Variants in SPATA17 observed in about 807,000 individuals in gnomAD.
SPATA17 encodes the protein spermatogenesis-associated protein 17.
A neutral mutation model predicts 62.2 loss-of-function variants in SPATA17; 53 were observed. The observed-to-expected ratio is 0.85, with a 90% confidence interval of 0.68 to 1.07. The LOEUF (loss-of-function observed/expected upper bound fraction) is 1.07. SPATA17 is among the 50% of genes least tolerant of loss of function. The probability of loss-of-function intolerance (pLI) is 0.00; values close to 1 mark genes in which losing one functional copy is unlikely to be tolerated. For synonymous variants in SPATA17, 146 were observed against 146.8 expected (o/e 0.99, Z 0.04); for missense variants, 466 against 425.5 (o/e 1.10, Z -0.84).
intron 10 of SPATA17, 133 bp downstream of exon 10, chr1:217,862,989 A>G (rs1675928059): frequency 2.1e-6 from 1 of 482,676 alleles, no homozygotes; most frequent in Admixed American, 3.5e-5. Context: ...AGACTCCATA[A>G]ATTTCCTTCA....
intron 9 of SPATA17, among the ~76,000 whole-genome samples, chr1:217,822,996 T>C (rs1674904298): frequency 6.6e-6 from 1 of 151,994 alleles, no homozygotes; most frequent in Non-Finnish European, 1.5e-5. Flanking sequence ...TTTTAACCTG[T>C]TCCCTTCTTT....
intron 5 of SPATA17, among the ~76,000 whole-genome samples, chr1:217,685,182 C>T (rs1344739211): frequency 6.6e-6 from 1 of 152,126 alleles, no homozygotes; most frequent in African/African-American, 2.4e-5. Context: ...GGTGCTCACT[C>T]TCAGGGTCAC....
At chr1:217,678,338 A>G (rs1326969287) in intron 4 of SPATA17, among the ~76,000 whole-genome samples, 1 of 150,202 alleles carries the variant, frequency 6.7e-6, no homozygotes, top group Non-Finnish European at 1.5e-5. Flanking sequence ...CCTCCTGAGT[A>G]GCTGGGATTA....
At chr1:217,792,743 G>A (rs1674026749) in intron 8 of SPATA17, among the ~76,000 whole-genome samples, 1 of 152,092 alleles carries the variant, frequency 6.6e-6, no homozygotes, top group African/African-American at 2.4e-5. Flanking sequence ...CCACGACTGT[G>A]GTCTCGGGGA....
intron 9 of SPATA17, among the ~76,000 whole-genome samples, chr1:217,828,991 T>G (rs1473727399): frequency 6.6e-6 from 1 of 152,058 alleles, no homozygotes; most frequent in Admixed American, 6.6e-5. Flanking sequence ...ACACTGTTGA[T>G]GGAATGCCAA....
At chr1:217,818,766 T>A (rs1674783541) in intron 9 of SPATA17, among the ~76,000 whole-genome samples, 1 of 151,848 alleles carries the variant, frequency 6.6e-6, no homozygotes, top group South Asian at 2.1e-4. Flanking sequence ...AATATTCTTT[T>A]TTACTGTTTT....
chr1:217,643,789 C>T (rs1200977964), intron 1 of SPATA17, among the ~76,000 whole-genome samples: 2 of 151,516 alleles, frequency 1.3e-5, no homozygotes, highest in Non-Finnish European at 2.9e-5. Flanking sequence ...AGTGCAATGG[C>T]ACGACCTCAG....
At chr1:217,697,569 T>C (rs923065018) in intron 5 of SPATA17, among the ~76,000 whole-genome samples, 37 of 152,190 alleles carry the variant, frequency 2.4e-4, no homozygotes, top group African/African-American at 8.7e-4. Flanking sequence ...ACCTAATATA[T>C]GGTGAATTTG....
chr1:217,703,680 T>A (rs1332996044), intron 5 of SPATA17, among the ~76,000 whole-genome samples: 1 of 152,216 alleles, frequency 6.6e-6, no homozygotes, highest in African/African-American at 2.4e-5. Context: ...ACTCATATTT[T>A]CTTGTTTAGG....
chr1:217,750,429 A>G (rs1317949661), intron 6 of SPATA17, among the ~76,000 whole-genome samples: 1 of 152,288 alleles, frequency 6.6e-6, no homozygotes, highest in East Asian at 1.9e-4. Flanking sequence ...GTAGGTATTT[A>G]TGGCACTAAA....
chr1:217,714,977 C>T (rs541593748), intron 5 of SPATA17, among the ~76,000 whole-genome samples: 1 of 152,040 alleles, frequency 6.6e-6, no homozygotes. Flanking sequence ...TTTAAAAATA[C>T]AAAAATCTAT....
At chr1:217,730,451 A>G (rs961377750) in intron 5 of SPATA17, among the ~76,000 whole-genome samples, 2 of 152,012 alleles carry the variant, frequency 1.3e-5, no homozygotes, top group East Asian at 1.9e-4. Context: ...TCCTGACCTC[A>G]AGTGATCTAT....
chr1:217,748,277 T>C (rs1571777630), intron 6 of SPATA17, among the ~76,000 whole-genome samples: 1 of 135,438 alleles, frequency 7.4e-6, no homozygotes, highest in Non-Finnish European at 1.6e-5. Flanking sequence ...CACTCCAGCC[T>C]GGGCAACAGA....
At chr1:217,651,761 A>G (rs556710289) in intron 3 of SPATA17, among the ~76,000 whole-genome samples, 1 of 152,342 alleles carries the variant, frequency 6.6e-6, no homozygotes, top group African/African-American at 2.4e-5. Context: ...ATTAATTATT[A>G]TTGGAAAGCA....
At chr1:217,796,583 A>C (rs564714915) in intron 8 of SPATA17, among the ~76,000 whole-genome samples, 2 of 152,314 alleles carry the variant, frequency 1.3e-5, no homozygotes, top group East Asian at 3.9e-4. Context: ...ATTGCTGCCT[A>C]AATAGTTCAT....
chr1:217,830,019 C>A (rs11117946), intron 9 of SPATA17, among the ~76,000 whole-genome samples: 96,417 of 151,744 alleles, frequency 0.64, 31,284 homozygotes, highest in Admixed American at 0.72. Context: ...ATCCCCTAAA[C>A]TAATGTTGTA....
At chr1:217,705,521 A>G (rs1262427493) in intron 5 of SPATA17, among the ~76,000 whole-genome samples, 1 of 136,200 alleles carries the variant, frequency 7.3e-6, no homozygotes, top group Non-Finnish European at 1.5e-5. Context: ...GTTCACTGCA[A>G]CCTGTGCCTC....
At chr1:217,829,491 G>A (rs111380413) in intron 9 of SPATA17, among the ~76,000 whole-genome samples, 1 of 151,628 alleles carries the variant, frequency 6.6e-6, no homozygotes, top group African/African-American at 2.4e-5. Flanking sequence ...AGCCGGGCAT[G>A]GTGGCCCACA....
intron 4 of SPATA17, among the ~76,000 whole-genome samples, chr1:217,675,559 G>A (rs527775257): frequency 3.1e-4 from 47 of 152,186 alleles, no homozygotes; most frequent in South Asian, 2.7e-3. Context: ...TCTGAAGCTA[G>A]GCAAGAAAAA....
Sources: gnomAD v4.1 joint callset for allele counts (sites outside exome capture counted in the v4.1 genomes callset) on GRCh38, gnomAD v4.1.1 for gene constraint, MANE v1.5 for transcripts, NCBI Gene and HGNC (gene_info 2026-07-23, HGNC 2026-07-21) for gene names.